The following ESRRG variants were observed in gnomAD, a reference collection of about 807,000 sequenced individuals.
ESRRG encodes estrogen-related receptor gamma.
ESRRG carries 13 observed loss-of-function variants against 44.0 expected under a neutral mutation model. The ratio of observed to expected loss-of-function variants is 0.30; its 90% confidence interval spans 0.19 to 0.47. The LOEUF (loss-of-function observed/expected upper bound fraction) is 0.47. ESRRG is among the 20% of genes least tolerant of loss of function. ESRRG has a pLI of 1.00. For missense variants in ESRRG, 395 were observed against 580.6 expected (o/e 0.68, Z 3.29); for synonymous variants, 215 against 214.6 (o/e 1.00, Z -0.02).
At chr1:216,930,682 A>G (rs1173372121) in intron 2 of ESRRG, among the ~76,000 whole-genome samples, 1 of 152,216 alleles carries the variant, frequency 6.6e-6, no homozygotes, top group African/African-American at 2.4e-5. Context: ...TTGTTGTTTC[A>G]GCATGAGTCT....
At chr1:217,054,634 C>T (rs954176144) in intron 1 of ESRRG, among the ~76,000 whole-genome samples, 1 of 152,152 alleles carries the variant, frequency 6.6e-6, no homozygotes, top group African/African-American at 2.4e-5. Flanking sequence ...CTTGCCACAA[C>T]TGTGTCTATT....
chr1:216,896,657 C>T (rs757292695), intron 2 of ESRRG, among the ~76,000 whole-genome samples: 2 of 152,178 alleles, frequency 1.3e-5, no homozygotes, highest in African/African-American at 4.8e-5. Context: ...ATTCTAGGAA[C>T]CCAGTCTGTC....
intron 2 of ESRRG, chr1:216,863,504 A>G (rs1406853816): frequency 2.0e-5 from 3 of 152,160 alleles, no homozygotes; most frequent in Non-Finnish European, 2.9e-5. Context: ...GAGACAGTCA[A>G]TATCCTCTTA....
At chr1:216,666,036 C>T (rs1001675343) in intron 2 of ESRRG, among the ~76,000 whole-genome samples, 45 of 152,278 alleles carry the variant, frequency 3.0e-4, no homozygotes, top group African/African-American at 1.0e-3. Context: ...AATCCTGACC[C>T]ATGACTTTTA....
intron 2 of ESRRG, among the ~76,000 whole-genome samples, chr1:216,937,956 T>C (rs1578380438): frequency 6.6e-6 from 1 of 151,394 alleles, no homozygotes; most frequent in Admixed American, 6.6e-5. Context: ...GTGATAAAGG[T>C]GAAGGTGTTT....
At chr1:216,864,633 A>G (rs1310281333) in intron 2 of ESRRG, 1 of 152,192 alleles carries the variant, frequency 6.6e-6, no homozygotes, top group Non-Finnish European at 1.5e-5. Context: ...ACGTGTTCTA[A>G]GAAGGCAAAG....
intron 1 of ESRRG, among the ~76,000 whole-genome samples, chr1:217,113,560 C>G (rs79531334): frequency 0.013 from 1,919 of 152,214 alleles, 27 homozygotes; most frequent in East Asian, 0.051. Context: ...AACCTTAAAC[C>G]AATGCTACAA....
intron 1 of ESRRG, among the ~76,000 whole-genome samples, chr1:216,959,987 G>C (rs1433632079): frequency 1.3e-5 from 2 of 152,086 alleles, no homozygotes; most frequent in Non-Finnish European, 2.9e-5. Flanking sequence ...GGGTGTTTAA[G>C]TAACTTGTTA....
chr1:216,904,378 T>C (rs983516483), intron 2 of ESRRG, among the ~76,000 whole-genome samples: 9 of 152,220 alleles, frequency 5.9e-5, no homozygotes, highest in African/African-American at 1.9e-4. Flanking sequence ...TCAAACCCTC[T>C]GTTAAACTTC....
chr1:217,056,681 T>C (rs539300507), intron 1 of ESRRG, among the ~76,000 whole-genome samples: 81 of 150,976 alleles, frequency 5.4e-4, no homozygotes, highest in Non-Finnish European at 9.3e-4. Context: ...GACGGCAGCA[T>C]AGTTTTTCAA....
Position 216,595,565 on chromosome 1 carries a change from C to T in ESRRG, c.590-27467G>A, listed in dbSNP as rs532156300. ...TCAAATGCATAAAATGTCAATTTCT[C>T]GGAAAGGGTGCAGCACATTTCATTT... On this transcript the variant is annotated intron_variant, in intron 3 of 6. Coordinates refer to ENST00000408911, the MANE Select transcript of ESRRG (RefSeq NM_001438.4). 5.9e-5 allele frequency among the ~76,000 whole-genome samples: 9 copies of T among 152,258 alleles called. No individual in the cohort carries two copies. In the South Asian group the frequency reaches 1.5e-3, roughly 25 times the overall value.
intron 2 of ESRRG, among the ~76,000 whole-genome samples, chr1:216,920,807 A>G (rs1016343258): frequency 1.3e-5 from 2 of 152,206 alleles, no homozygotes; most frequent in Admixed American, 6.5e-5. Flanking sequence ...AGTTGAGGGA[A>G]GGAGCTGCAT....
At chr1:216,691,491 G>T (rs1385127110) in intron 1 of ESRRG, among the ~76,000 whole-genome samples, 1 of 152,078 alleles carries the variant, frequency 6.6e-6, no homozygotes, top group Non-Finnish European at 1.5e-5. Flanking sequence ...ACTTTCCTTA[G>T]CAGGAAAGGA....
intron 3 of ESRRG, among the ~76,000 whole-genome samples, chr1:216,594,884 T>C (rs2058208888): frequency 6.6e-6 from 1 of 152,220 alleles, no homozygotes; most frequent in Non-Finnish European, 1.5e-5. Context: ...TCGTCTTTAG[T>C]GGTAGAACTT....
intron 2 of ESRRG, among the ~76,000 whole-genome samples, chr1:216,900,267 C>T (rs2058913312): frequency 6.6e-6 from 1 of 152,146 alleles, no homozygotes; most frequent in South Asian, 2.1e-4. Flanking sequence ...AATAATGTGC[C>T]AGGGCTCCTG....
chr1:216,967,653 G>A (rs1283710193), intron 1 of ESRRG, among the ~76,000 whole-genome samples: 1 of 152,118 alleles, frequency 6.6e-6, no homozygotes, highest in Non-Finnish European at 1.5e-5. Flanking sequence ...AGACAATTTG[G>A]TTGCTTCCAA....
At chr1:216,977,371 C>T (rs893425693) in intron 1 of ESRRG, among the ~76,000 whole-genome samples, 1 of 149,948 alleles carries the variant, frequency 6.7e-6, no homozygotes, top group Non-Finnish European at 1.5e-5. Flanking sequence ...CACACACACA[C>T]ATATACATAT....
intron 2 of ESRRG, among the ~76,000 whole-genome samples, chr1:216,912,266 G>GA: frequency 1.9e-5 from 1 of 53,522 alleles, no homozygotes; most frequent in Non-Finnish European, 4.5e-5. Flanking sequence ...GAGAGGAGAG[G>GA]GGAGGGGAGG....
chr1:216,858,896 A>G (rs183180867), intron 2 of ESRRG, among the ~76,000 whole-genome samples: 15 of 152,278 alleles, frequency 9.9e-5, no homozygotes, highest in Non-Finnish European at 1.5e-4. Flanking sequence ...ACCTGTACTG[A>G]TATATTGGCT....
Sources: gnomAD v4.1 joint callset for allele counts (sites outside exome capture counted in the v4.1 genomes callset) on GRCh38, gnomAD v4.1.1 for gene constraint, MANE v1.5 for transcripts, NCBI Gene and HGNC (gene_info 2026-07-23, HGNC 2026-07-21) for gene names.